The following IGSF3 variants were observed in gnomAD, a reference collection of about 807,000 sequenced individuals.
IGSF3 encodes the protein glu-Trp-Ile EWI motif-containing protein 3.
IGSF3 carries 23 observed loss-of-function variants against 114.4 expected under a neutral mutation model. The ratio of observed to expected loss-of-function variants is 0.20; its 90% CI spans 0.14 to 0.28. The LOEUF is 0.28. Ranked by LOEUF, IGSF3 falls within the 10% of genes least tolerant of loss-of-function variation. The pLI is 1.00. For synonymous variants in IGSF3, 571 were observed against 645.2 expected, an observed-to-expected ratio of 0.88 and a Z score of 1.74; for missense variants, 1,172 against 1,591.5, an observed-to-expected ratio of 0.74 and a Z score of 4.48.
In IGSF3 at chr1:116,603,806, A is replaced by C; in HGVS notation, c.1442T>G (p.Phe481Cys). ...CACCTGCTCCATCTGGACGCCCCCAAAGCTGCTGCGCTCCCAGTAGGACGA... is the reference window on the plus strand; with the variant it reads ...CACCTGCTCCATCTGGACGCCCCCACAGCTGCTGCGCTCCCAGTAGGACGA... ...PGSSYWERSS[F>C]GGVQMEQVQP... Residue 481 changes from phenylalanine to cysteine, a missense_variant, in exon 6 of 11, where the codon TTT (phenylalanine) becomes TGT (cysteine). Phe to Cys is a radical substitution (Grantham distance 205). This residue lies in a region of IGSF3 where 736 missense variants were observed against 1,042.0 expected (regional missense o/e 0.71). Transcript: ENST00000369486. The surrounding 1 kb of genome is among the most constrained non-coding windows in gnomAD (Gnocchi z 7.1). 3 of 1,613,900 alleles carry C rather than the reference A, an allele frequency of 1.9e-6. No individual in the cohort carries two copies. Among genetic ancestry groups the C allele is most frequent in the Non-Finnish European group, 1.7e-6 (2 of 1,179,848 alleles).
Position 116,579,522 on chromosome 1 carries a change from C to T in IGSF3, c.3204G>A (p.Leu1068=). Residue 1068 remains leucine, a synonymous_variant, in exon 10 of 11, where the codon CTG becomes CTA. Coordinates refer to ENST00000369486, the MANE Select transcript of IGSF3 (RefSeq NM_001007237.3). The surrounding 1 kb of genome is among the most constrained non-coding windows in gnomAD (Gnocchi z 6.4). ...TGCCTGTATCTTGGGGGCTTGCCTG[C>T]AGCACTGTGAGCCGGTAGAGCACCG... ...LSPVLYRLTV[L]QASPQDTGNY... 6.2e-7 allele frequency: 1 copy of T among 1,614,130 alleles called. No individual in the cohort carries two copies. Among genetic ancestry groups the T allele is most frequent in the Non-Finnish European group, 8.5e-7 (1 of 1,180,038 alleles).
intron 7 of IGSF3, among the ~76,000 whole-genome samples, chr1:116,591,444 C>G (rs1383214102): frequency 1.3e-5 from 2 of 152,206 alleles, no homozygotes; most frequent in African/African-American, 4.8e-5. Context: ...ACCTCAATTG[C>G]TATAGTAACT....
chr1:116,597,985 G>C (rs1293965417), intron 7 of IGSF3, among the ~76,000 whole-genome samples: 1 of 152,188 alleles, frequency 6.6e-6, no homozygotes, highest in African/African-American at 2.4e-5. Flanking sequence ...GCATCCAAGA[G>C]GTACTTCATA....
rs1165803541 is a variant in IGSF3 at position 116,654,751 on chromosome 1, T to A, written c.43+11533A>T. 6.6e-6 allele frequency among the ~76,000 whole-genome samples: 1 copy of A among 152,174 alleles called. No individual in the cohort carries two copies. Among genetic ancestry groups the A allele is most frequent in the Admixed American group, 6.5e-5 (1 of 15,278 alleles). ...TAGAAATTCAGAGCTAGGTGTGAAATTCCCAATTCCCACACACAAGCAACA... is the reference window on the plus strand; with the variant it reads ...TAGAAATTCAGAGCTAGGTGTGAAAATCCCAATTCCCACACACAAGCAACA... On this transcript the variant is annotated intron_variant, in intron 2 of 10. Coordinates refer to ENST00000369486, the MANE Select transcript of IGSF3 (RefSeq NM_001007237.3). This position sits in a 1 kb window ranked among gnomAD's most constrained non-coding sequence, Gnocchi z 4.4.
In IGSF3 at chr1:116,648,964, A is replaced by G. The variant is rs556469571; in HGVS notation, c.43+17320T>C. ...GTCCTAGAGGTAGAATGAGTCAGCC[A>G]GCAAGCTCCAGCCCATTGACAGCAG... On this transcript the variant is annotated intron_variant, in intron 2 of 10. Transcript: ENST00000369486. This position sits in a 1 kb window ranked among gnomAD's most constrained non-coding sequence, Gnocchi z 4.7. Among the ~76,000 whole-genome samples, 87 of 152,308 alleles carry G rather than the reference A, an allele frequency of 5.7e-4. No homozygotes were observed. Among genetic ancestry groups the G allele is most frequent in the African/African-American group, 1.9e-3 (78 of 41,570 alleles).
Position 116,577,483 on chromosome 1 carries a change from G to A in IGSF3, c.3414C>T (p.Gly1138=), listed in dbSNP as rs1328290286. 4 of 1,614,150 alleles carry A rather than the reference G, an allele frequency of 2.5e-6. No homozygotes were observed. The highest frequency in any genetic ancestry group is 2.2e-5 in the East Asian group (1 of 44,884). Residue 1138 remains glycine (G), a synonymous_variant, in exon 11 of 11, where the codon GGC becomes GGT. Transcript: ENST00000369486. The surrounding 1 kb of genome is among the most constrained non-coding windows in gnomAD (Gnocchi z 5.7). ...FVFFYPFPIF[G]ILIITILLVR... is the part of the protein sequence containing the mutation. ...CCAGAAGGATGGTGATGATAAGAAT[G>A]CCAAAGATGGGGAAAGGGTAGAAGA... is the stretch of plus-strand genomic sequence containing the variant.
chr1:116,630,586 T>C (rs1372569555), intron 2 of IGSF3, among the ~76,000 whole-genome samples: 1 of 152,186 alleles, frequency 6.6e-6, no homozygotes, highest in Non-Finnish European at 1.5e-5. Context: ...GTTTCATTCA[T>C]TCCAAAAATA....
At position 116,585,153 on chromosome 1, in the gene IGSF3, G is replaced by A. The variant is rs1363087295; in HGVS notation, c.2441-101C>T. Reference sequence around the variant, plus strand: ...GAATGGATGCCTTCCAAATACAGAAGGACGGCAGCACACACTCCATTAGGA... The same window carrying A: ...GAATGGATGCCTTCCAAATACAGAAAGACGGCAGCACACACTCCATTAGGA... On this transcript the variant is annotated intron_variant, in intron 8 of 10. Coordinates refer to ENST00000369486, the MANE Select transcript of IGSF3 (RefSeq NM_001007237.3). The surrounding 1 kb of genome is among the most constrained non-coding windows in gnomAD (Gnocchi z 4.9). 3 of 856,280 alleles carry A rather than the reference G, an allele frequency of 3.5e-6. No homozygotes were observed. The highest frequency in any genetic ancestry group is 3.4e-5 in the African/African-American group (2 of 59,480). 53.0% of individuals were successfully genotyped at this position (856,280 alleles called of 1,614,324 possible).
rs1648793345 is a variant in IGSF3 at position 116,655,166 on chromosome 1, G to T, written c.43+11118C>A. Reference sequence around the variant, plus strand: ...AGTCATGATTTTAACTGTGAATTCTGTGGCACCGGAGATAACAGAACAATG... The same window carrying T: ...AGTCATGATTTTAACTGTGAATTCTTTGGCACCGGAGATAACAGAACAATG... On this transcript the variant is annotated intron_variant, in intron 2 of 10. Coordinates refer to ENST00000369486, the MANE Select transcript of IGSF3 (RefSeq NM_001007237.3). The surrounding 1 kb of genome is among the most constrained non-coding windows in gnomAD (Gnocchi z 4.3). Among the ~76,000 whole-genome samples the T allele has an allele frequency of 6.6e-6, 1 of 152,214 alleles. No homozygotes were observed. Among genetic ancestry groups the T allele is most frequent in the Admixed American group, 6.5e-5 (1 of 15,280 alleles).
intron 2 of IGSF3, among the ~76,000 whole-genome samples, chr1:116,637,015 A>T (rs538333571): frequency 6.6e-6 from 1 of 152,214 alleles, no homozygotes; most frequent in Non-Finnish European, 1.5e-5. Flanking sequence ...GAAGTTTGCC[A>T]GCAGATTCAT....
At position 116,579,283 on chromosome 1, in the gene IGSF3, C is replaced by A; in HGVS notation, c.3334+109G>T. On this transcript the variant is annotated intron_variant, in intron 10 of 10. Transcript: ENST00000369486. The surrounding 1 kb of genome is among the most constrained non-coding windows in gnomAD (Gnocchi z 6.4). The stretch of plus-strand genomic sequence containing the variant: ...ATCTCAAATCCTACTAATAAATGCC[C>A]ATGACAGTTAAGAAAACTGTTTATT... 7.3e-7 allele frequency: 1 copy of A among 1,365,986 alleles called. No homozygotes were observed. Among genetic ancestry groups the A allele is most frequent in the South Asian group, 1.5e-5 (1 of 68,524 alleles). 84.6% of individuals were successfully genotyped at this position (1,365,986 alleles called of 1,614,324 possible). A position where few individuals can be genotyped will look rare whatever the true frequency, so the allele number is the denominator to read the frequency against.
chr1:116,635,297 C>T (rs139553329), intron 2 of IGSF3, among the ~76,000 whole-genome samples: 29 of 152,328 alleles, frequency 1.9e-4, no homozygotes, highest in African/African-American at 4.8e-4. Context: ...TTCACTGTGA[C>T]GGTCCACACT....
chr1:116,604,299 A>G (rs1660711450), intron 5 of IGSF3, among the ~76,000 whole-genome samples: 1 of 152,212 alleles, frequency 6.6e-6, no homozygotes. Context: ...ATAAGAACCT[A>G]AGAAATACAA....
intron 2 of IGSF3, among the ~76,000 whole-genome samples, chr1:116,630,671 G>A (rs1447956705): frequency 2.0e-5 from 3 of 152,206 alleles, no homozygotes; most frequent in East Asian, 3.8e-4. Context: ...CAGTCTAGGA[G>A]GCAGAGATAG....
At chr1:116,604,986 C>G (rs371800142) in intron 5 of IGSF3, among the ~76,000 whole-genome samples, 1 of 152,130 alleles carries the variant, frequency 6.6e-6, no homozygotes, top group African/African-American at 2.4e-5. Context: ...AACTGGTCAT[C>G]ATGATCATGA....
rs1661128511 is a variant in IGSF3, at chr1:116,614,114, G to A, written c.483C>T (p.Asp161=). The change falls in exon 4 of 11, where the codon GAC becomes GAT. Residue 161 remains aspartate, a synonymous_variant. Coordinates refer to ENST00000369486, the MANE Select transcript of IGSF3 (RefSeq NM_001007237.3). The surrounding 1 kb of genome is among the most constrained non-coding windows in gnomAD (Gnocchi z 4.5). ...MPQTLHRVEQ[D]PLELTCEVAS... ...CCACCTCACAAGTGAGCTCCAGCGG[G>A]TCCTGCTCCACTCTGTGCAGAGTCT... 3 of 1,613,798 alleles carry A rather than the reference G, an allele frequency of 1.9e-6. No individual in the cohort carries two copies. Among genetic ancestry groups the A allele is most frequent in the South Asian group, 2.2e-5 (2 of 91,082 alleles).
At chr1:116,580,746 G>A (rs1659568798) in intron 9 of IGSF3, among the ~76,000 whole-genome samples, 1 of 152,224 alleles carries the variant, frequency 6.6e-6, no homozygotes, top group Admixed American at 6.5e-5. Flanking sequence ...TATGGCAACT[G>A]AGCAGACTAA....
chr1:116,587,794 C>T (rs768067931), intron 8 of IGSF3, among the ~76,000 whole-genome samples: 4 of 152,158 alleles, frequency 2.6e-5, no homozygotes, highest in Admixed American at 2.0e-4. Context: ...GCAGCACAAG[C>T]GAAGGCACGG....
At position 116,617,208 on chromosome 1, in the gene IGSF3, A is replaced by G. The variant is rs1000766129; in HGVS notation, c.44-751T>C. 9.9e-6 allele frequency: 8 copies of G among 810,776 alleles called. No homozygotes were observed. The South Asian group carries it at 4.5e-4, about 45-fold the overall frequency. 50.2% of individuals were successfully genotyped at this position (810,776 alleles called of 1,614,324 possible). ...CAGTCAGGCTACCCTTGAGTTTCCCACTCAAGACTCCCCCGCTGACCTCCT... is the reference window on the plus strand; with the variant it reads ...CAGTCAGGCTACCCTTGAGTTTCCCGCTCAAGACTCCCCCGCTGACCTCCT... On this transcript the variant is annotated intron_variant, in intron 2 of 10. Coordinates refer to ENST00000369486, the MANE Select transcript of IGSF3 (RefSeq NM_001007237.3).
Sources: allele counts gnomAD v4.1 joint callset (sites outside exome capture counted in the v4.1 genomes callset), GRCh38; gene constraint gnomAD v4.1.1; regional missense constraint gnomAD v4.1.1; non-coding constraint Gnocchi (gnomAD v3.1); transcripts MANE v1.5; gene names NCBI Gene and HGNC (gene_info 2026-07-23, HGNC 2026-07-21).